The following IFT122 variants were observed in gnomAD, a reference collection of about 807,000 sequenced individuals.
IFT122 encodes the protein intraflagellar transport protein 122 homolog.
Under a neutral mutation model 161.6 loss-of-function variants are expected in IFT122, and 118 were observed. That is an observed-to-expected ratio of 0.73 (90% CI 0.63 to 0.85). IFT122 has a LOEUF of 0.85. IFT122 is among the 40% of genes least tolerant of loss of function. IFT122 has a pLI of 0.00. For synonymous variants in IFT122, 550 were observed against 602.4 expected (o/e 0.91, Z 1.27); for missense variants, 1,381 against 1,579.6 (o/e 0.87, Z 2.13).
At chr3:129,477,257 C>G (rs1378867075) in intron 11 of IFT122, among the ~76,000 whole-genome samples, 1 of 152,166 alleles carries the variant, frequency 6.6e-6, no homozygotes, top group Non-Finnish European at 1.5e-5. Context: ...TGGATTGGCA[C>G]AGGCTAGGTC....
At chr3:129,464,920 AT>A (rs575512764) in intron 7 of IFT122, 139 bp downstream of exon 7, 6,124 of 850,508 alleles carry the variant, frequency 7.2e-3, no homozygotes, top group Non-Finnish European at 7.6e-3. Context: ...ATTTGTATGG[AT>A]TTTTTTTTTA....
chr3:129,461,691 C>T (rs546416018), intron 5 of IFT122, among the ~76,000 whole-genome samples: 2 of 152,298 alleles, frequency 1.3e-5, no homozygotes, highest in South Asian at 4.1e-4. Flanking sequence ...TGACCCACAT[C>T]TATGTTTATG....
chr3:129,445,130 A>T (rs1183002559), intron 1 of IFT122, among the ~76,000 whole-genome samples: 1 of 152,136 alleles, frequency 6.6e-6, no homozygotes, highest in Non-Finnish European at 1.5e-5. Flanking sequence ...GTTCGAGACC[A>T]GCCTGGCCAA....
intron 1 of IFT122, among the ~76,000 whole-genome samples, chr3:129,442,993 TA>T (rs1160994670): frequency 6.6e-6 from 1 of 152,226 alleles, no homozygotes; most frequent in African/African-American, 2.4e-5. Context: ...GATGTCTTAT[TA>T]GGCTAGCCCA....
At chr3:129,508,616 A>T (rs953567014) in intron 23 of IFT122, among the ~76,000 whole-genome samples, 1 of 152,170 alleles carries the variant, frequency 6.6e-6, no homozygotes, top group Non-Finnish European at 1.5e-5. Flanking sequence ...AACCATTATG[A>T]TCAACACATT....
At chr3:129,460,793 C>G in intron 4 of IFT122, 1 of 1,407,798 alleles carries the variant, frequency 7.1e-7, no homozygotes, top group Non-Finnish European at 1.0e-6. Flanking sequence ...GTTGAGACGC[C>G]TTGCATGGTA....
intron 21 of IFT122, among the ~76,000 whole-genome samples, chr3:129,505,181 C>G (rs1335959068): frequency 2.6e-5 from 4 of 152,206 alleles, no homozygotes; most frequent in African/African-American, 9.6e-5. Context: ...GCTAAATGTG[C>G]CATGCCAAGT....
At chr3:129,510,592 C>A (rs1473203490) in intron 23 of IFT122, among the ~76,000 whole-genome samples, 1 of 152,154 alleles carries the variant, frequency 6.6e-6, no homozygotes, top group East Asian at 1.9e-4. Flanking sequence ...CACTCCAGAG[C>A]CTGGCTCTCA....
At chr3:129,452,786 G>A (rs2075005016) in intron 3 of IFT122, among the ~76,000 whole-genome samples, 1 of 152,174 alleles carries the variant, frequency 6.6e-6, no homozygotes, top group South Asian at 2.1e-4. Flanking sequence ...TGCTGAGTTG[G>A]AAACAACCTG....
intron 3 of IFT122, chr3:129,458,009 A>T (rs1188728789): frequency 1.3e-5 from 2 of 157,950 alleles, no homozygotes; most frequent in Non-Finnish European, 2.8e-5. Context: ...AAGTGCTGGG[A>T]TTACAGGTGT....
chr3:129,492,168 T>G lies in IFT122; in HGVS notation c.2020T>G (p.Tyr674Asp). The G allele has an allele frequency of 1.2e-6, 2 of 1,613,196 alleles. No individual in the cohort carries two copies. The highest frequency in any genetic ancestry group is 1.7e-6 in the Non-Finnish European group (2 of 1,179,206). ...KAFIRVQDLR[Y>D]LELISSIEER... is the part of the protein sequence containing the mutation. The stretch of plus-strand genomic sequence containing the variant: ...CTTCATCAGAGTACAAGACCTCCGA[T>G]ATTTAGAGCTCATCAGCAGCATTGA... Residue 674 changes from tyrosine (Y) to aspartate (D), a missense_variant, in exon 17 of 30, where the codon TAT becomes GAT. This residue lies in a region of IFT122 where 496 missense variants were observed against 502.5 expected (regional missense o/e 0.99). Coordinates refer to ENST00000348417, the MANE Select transcript of IFT122 (RefSeq NM_052989.3).
intron 17 of IFT122, among the ~76,000 whole-genome samples, chr3:129,493,588 A>G (rs771577138): frequency 6.6e-6 from 1 of 152,106 alleles, no homozygotes; most frequent in Non-Finnish European, 1.5e-5. Context: ...AGCCCAGTCT[A>G]TTTCCTAAGC....
At chr3:129,508,909 C>G (rs761314098) in intron 23 of IFT122, among the ~76,000 whole-genome samples, 19 of 152,178 alleles carry the variant, frequency 1.2e-4, no homozygotes, top group Non-Finnish European at 2.9e-5. Context: ...GCAGGTGTTG[C>G]AGTTTTCGGT....
intron 4 of IFT122, among the ~76,000 whole-genome samples, chr3:129,460,321 C>T (rs2076082635): frequency 6.6e-6 from 1 of 152,156 alleles, no homozygotes; most frequent in Non-Finnish European, 1.5e-5. Context: ...AATGTTTGTT[C>T]TTTTGTGGCT....
rs892777377 is a variant in IFT122 at position 129,478,127 on chromosome 3, C to T, written c.1259C>T (p.Ser420Leu). ...TATGAGTTGTATTCAGAGGACTTATCAGACATGCATTACCGGGTAAAGGAG... is the reference window on the plus strand; with the variant it reads ...TATGAGTTGTATTCAGAGGACTTATTAGACATGCATTACCGGGTAAAGGAG... Reference protein sequence around the residue: ...LIYELYSEDLSDMHYRVKEKI... With the variant: ...LIYELYSEDLLDMHYRVKEKI... Residue 420 changes from serine (S) to leucine (L), a missense_variant, in exon 12 of 30, where the codon TCA becomes TTA. This residue lies in a region of IFT122 where 544 missense variants were observed against 648.0 expected (regional missense o/e 0.84). Transcript: ENST00000348417. The T allele has an allele frequency of 3.1e-6, 5 of 1,614,032 alleles. No individual in the cohort carries two copies. Among genetic ancestry groups the T allele is most frequent in the Non-Finnish European group, 4.2e-6 (5 of 1,179,978 alleles).
At chr3:129,455,540 A>G (rs1437420446) in intron 3 of IFT122, among the ~76,000 whole-genome samples, 1 of 152,140 alleles carries the variant, frequency 6.6e-6, no homozygotes, top group Admixed American at 6.5e-5. Context: ...TTTGTTCAAG[A>G]AAAACAATAT....
At chr3:129,458,725 A>G in intron 4 of IFT122, 48 bp downstream of exon 4, 1 of 1,359,150 alleles carries the variant, frequency 7.4e-7, no homozygotes, top group Non-Finnish European at 1.1e-6. Context: ...CTTATTGAAT[A>G]ATTGCAGCAA....
At chr3:129,489,858 A>C (rs1191495803) in intron 16 of IFT122, among the ~76,000 whole-genome samples, 3 of 145,824 alleles carry the variant, frequency 2.1e-5, no homozygotes, top group Non-Finnish European at 4.5e-5. Flanking sequence ...AAAAAAAAAG[A>C]ATTCAGAGGA....
intron 3 of IFT122, chr3:129,458,127 T>C (rs2075756261): frequency 6.0e-6 from 1 of 167,974 alleles, no homozygotes; most frequent in Admixed American, 5.6e-5. Context: ...TCAATGTGTA[T>C]GTATATAAAA....
Sources: gnomAD v4.1 joint callset for allele counts (sites outside exome capture counted in the v4.1 genomes callset) on GRCh38, gnomAD v4.1.1 for gene constraint, gnomAD v4.1.1 regional missense constraint, MANE v1.5 for transcripts, NCBI Gene and HGNC (gene_info 2026-07-23, HGNC 2026-07-21) for gene names.